ZNF521: variants seen among roughly 807,000 people sequenced by gnomAD.
ZNF521 encodes zinc finger protein 521.
A neutral mutation model predicts 105.5 loss-of-function variants in ZNF521; 14 were observed. The ratio of observed to expected loss-of-function variants is 0.13; its 90% CI spans 0.09 to 0.21. The LOEUF is 0.21. Ranked by LOEUF, ZNF521 falls within the 10% of genes least tolerant of loss-of-function variation. The pLI is 1.00. For missense variants in ZNF521, 1,233 were observed against 1,629.7 expected, an observed-to-expected ratio of 0.76 and a Z score of 4.19; for synonymous variants, 635 against 606.0, an observed-to-expected ratio of 1.05 and a Z score of -0.70.
chr18:25,276,003 A>G (rs926431682), intron 3 of ZNF521, among the ~76,000 whole-genome samples: 13 of 152,208 alleles, frequency 8.5e-5, no homozygotes, highest in African/African-American at 3.1e-4. Flanking sequence ...ATGTGCAAAA[A>G]GAGCTTACTT....
At chr18:25,318,416 T>G (rs571549179) in intron 3 of ZNF521, among the ~76,000 whole-genome samples, 39 of 152,308 alleles carry the variant, frequency 2.6e-4, no homozygotes, top group African/African-American at 8.4e-4. Flanking sequence ...TTTGCCAAAA[T>G]TCACCAAATT....
chr18:25,318,454 G>C (rs1912759104), intron 3 of ZNF521, among the ~76,000 whole-genome samples: 1 of 152,072 alleles, frequency 6.6e-6, no homozygotes. Context: ...GAATTTCACT[G>C]TATGTAAATG....
chr18:25,154,618 A>C (rs1277079231), intron 5 of ZNF521, among the ~76,000 whole-genome samples: 1 of 152,168 alleles, frequency 6.6e-6, no homozygotes, highest in African/African-American at 2.4e-5. Context: ...AAATTTAATA[A>C]AATCACCTAT....
chr18:25,089,503 G>T lies in ZNF521; in HGVS notation c.3868C>A (p.Gln1290Lys). 6.2e-7 allele frequency: 1 copy of T among 1,614,180 alleles called. No homozygotes were observed. The highest frequency in any genetic ancestry group is 8.5e-7 in the Non-Finnish European group (1 of 1,180,024). ...TGGAAGAAAAACTTCTGTGGACATT[G>T]TGTACAGTCATAGATCTTGTCTTCT... is the stretch of plus-strand genomic sequence containing the variant. Reference protein sequence around the residue: ...GQEDKIYDCTQCPQKFFFQTE... With the variant: ...GQEDKIYDCTKCPQKFFFQTE... Residue 1290 changes from glutamine to lysine, a missense_variant, in exon 7 of 8, where the codon CAA (glutamine) becomes AAA (lysine). Coordinates refer to ENST00000361524, the MANE Select transcript of ZNF521 (RefSeq NM_015461.3).
At chr18:25,205,913 A>G (rs2036070553) in intron 4 of ZNF521, among the ~76,000 whole-genome samples, 1 of 152,194 alleles carries the variant, frequency 6.6e-6, no homozygotes, top group Non-Finnish European at 1.5e-5. Flanking sequence ...ATGTTGTATC[A>G]GAATTATTTC....
chr18:25,345,632 C>G (rs1914428083), intron 2 of ZNF521, among the ~76,000 whole-genome samples: 1 of 152,240 alleles, frequency 6.6e-6, no homozygotes, highest in African/African-American at 2.4e-5. Flanking sequence ...TTGGAAGAGA[C>G]TCACTGGACC....
chr18:25,311,096 A>G (rs1378504603), intron 3 of ZNF521, among the ~76,000 whole-genome samples: 1 of 152,172 alleles, frequency 6.6e-6, no homozygotes, highest in Non-Finnish European at 1.5e-5. Context: ...GAAGAGTTCC[A>G]GTCCAATTCC....
At chr18:25,192,948 T>G (rs1199265566) in intron 5 of ZNF521, among the ~76,000 whole-genome samples, 1 of 152,084 alleles carries the variant, frequency 6.6e-6, no homozygotes, top group African/African-American at 2.4e-5. Flanking sequence ...CTCATTTGTT[T>G]AGGCCTCAAG....
intron 5 of ZNF521, among the ~76,000 whole-genome samples, chr18:25,161,292 A>G (rs1457660133): frequency 6.6e-6 from 1 of 152,126 alleles, no homozygotes; most frequent in Non-Finnish European, 1.5e-5. Context: ...TTCCTTCAAC[A>G]TGAAGGATTT....
At chr18:25,349,813 T>C (rs1275979843) in intron 2 of ZNF521, among the ~76,000 whole-genome samples, 2 of 150,000 alleles carry the variant, frequency 1.3e-5, no homozygotes, top group Non-Finnish European at 3.0e-5. Flanking sequence ...CCAGCCGCCC[T>C]TTGTCCTCCG....
At chr18:25,073,814 A>G (rs995291892) in intron 7 of ZNF521, among the ~76,000 whole-genome samples, 36 of 151,954 alleles carry the variant, frequency 2.4e-4, no homozygotes, top group Non-Finnish European at 4.6e-4. Flanking sequence ...CACACTCCCT[A>G]GGAGGTAAAC....
intron 3 of ZNF521, among the ~76,000 whole-genome samples, chr18:25,235,706 T>A (rs185329060): frequency 4.4e-4 from 67 of 152,328 alleles, no homozygotes; most frequent in Non-Finnish European, 3.1e-4. Flanking sequence ...ACCTGTATTA[T>A]AACCATGGCA....
chr18:25,068,994 A>C (rs1281053777), intron 7 of ZNF521, among the ~76,000 whole-genome samples: 4 of 152,206 alleles, frequency 2.6e-5, no homozygotes, highest in Non-Finnish European at 4.4e-5. Context: ...CAAACATTAG[A>C]AGAATTTCTT....
intron 3 of ZNF521, among the ~76,000 whole-genome samples, chr18:25,254,690 C>T (rs2144863731): frequency 6.6e-6 from 1 of 152,136 alleles, no homozygotes; most frequent in Admixed American, 6.6e-5. Context: ...GAATGGGTAC[C>T]CATGGGAGTA....
At chr18:25,217,046 A>G (rs1204907853) in intron 4 of ZNF521, among the ~76,000 whole-genome samples, 1 of 152,156 alleles carries the variant, frequency 6.6e-6, no homozygotes, top group African/African-American at 2.4e-5. Context: ...TTAAGAAGGA[A>G]GAGTCGCCAG....
intron 4 of ZNF521, among the ~76,000 whole-genome samples, chr18:25,206,475 T>C (rs1325874299): frequency 6.6e-6 from 1 of 152,148 alleles, no homozygotes; most frequent in Non-Finnish European, 1.5e-5. Flanking sequence ...TTTATATCTC[T>C]AATGTATCCT....
chr18:25,325,617 C>T (rs1384910087), intron 2 of ZNF521, among the ~76,000 whole-genome samples: 1 of 152,164 alleles, frequency 6.6e-6, no homozygotes, highest in Non-Finnish European at 1.5e-5. Context: ...AGGCACCACT[C>T]TCTCTCCCCC....
At chr18:25,158,424 C>A (rs141129203) in intron 5 of ZNF521, among the ~76,000 whole-genome samples, 1 of 151,914 alleles carries the variant, frequency 6.6e-6, no homozygotes, top group East Asian at 1.9e-4. Flanking sequence ...ATTAATTATT[C>A]TGCATTTTCC....
intron 4 of ZNF521, among the ~76,000 whole-genome samples, chr18:25,217,804 C>T (rs369536166): frequency 2.6e-4 from 39 of 152,256 alleles, no homozygotes; most frequent in African/African-American, 8.2e-4. Flanking sequence ...ACAATTTTCA[C>T]GTGATATTTA....
Sources: gnomAD v4.1 joint callset for allele counts (sites outside exome capture counted in the v4.1 genomes callset) on GRCh38, gnomAD v4.1.1 for gene constraint, MANE v1.5 for transcripts, NCBI Gene and HGNC (gene_info 2026-07-23, HGNC 2026-07-21) for gene names.